DMD: variants seen among roughly 807,000 people sequenced by gnomAD.
DMD encodes the protein dystrophin.
A neutral mutation model predicts 330.1 loss-of-function variants in DMD; 63 were observed. The observed-to-expected ratio is 0.19, with a 90% CI of 0.16 to 0.24. DMD has a LOEUF of 0.24. Among genes scored for constraint, DMD ranks in the 10% least tolerant of loss-of-function variants. DMD has a pLI of 1.00. For synonymous variants in DMD, 1,223 were observed against 959.8 expected (o/e 1.27, Z -5.07); for missense variants, 3,344 against 2,684.1 (o/e 1.25, Z -5.43).
At chrX:32,123,214 T>TATATATATAA (rs2096645464) in intron 44 of DMD, among the ~76,000 whole-genome samples, 1 of 77,950 alleles carries the variant, frequency 1.3e-5, no homozygotes, top group Non-Finnish European at 2.4e-5. Flanking sequence ...TATATATATA[T>TATATATATAA]ATATATATAT....
At chrX:31,476,974 T>C (rs1040745610) in intron 59 of DMD, among the ~76,000 whole-genome samples, 1 of 111,156 alleles carries the variant, frequency 9.0e-6, no homozygotes, top group African/African-American at 3.3e-5. Context: ...GGAAAATTTG[T>C]TGGATGATGA....
At chrX:32,395,439 G>A (rs867980939) in intron 30 of DMD, among the ~76,000 whole-genome samples, 2 of 7,024 alleles carry the variant, frequency 2.8e-4, no homozygotes, top group African/African-American at 2.7e-3. Flanking sequence ...GGGGGAGGGG[G>A]GAGGGATAGC....
At chrX:32,766,721 T>C (rs781587645) in intron 7 of DMD, among the ~76,000 whole-genome samples, 1 of 111,454 alleles carries the variant, frequency 9.0e-6, no homozygotes. Flanking sequence ...AGCATGAATA[T>C]AGTTAATAGA....
chrX:33,315,224 A>G (rs2053916283), intron 1 of DMD, among the ~76,000 whole-genome samples: 1 of 112,435 alleles, frequency 8.9e-6, no homozygotes, highest in Admixed American at 9.4e-5. Flanking sequence ...CAAATCTGCA[A>G]AGTAAACTTT....
chrX:33,276,422 A>C (rs1021649033), intron 1 of DMD, among the ~76,000 whole-genome samples: 24 of 111,333 alleles, frequency 2.2e-4, no homozygotes, highest in African/African-American at 7.5e-4. Flanking sequence ...TTAGCAAAGT[A>C]AGAAAATGGC....
chrX:33,192,278 T>C (rs973405907), intron 1 of DMD, among the ~76,000 whole-genome samples: 3 of 112,024 alleles, frequency 2.7e-5, no homozygotes, highest in Non-Finnish European at 5.6e-5. Flanking sequence ...TCATTAAGAA[T>C]GTGAAAGTAT....
intron 30 of DMD, among the ~76,000 whole-genome samples, chrX:32,395,438 G>C (rs199550724): frequency 9.6e-6 from 1 of 104,001 alleles, no homozygotes; most frequent in Non-Finnish European, 2.0e-5. Flanking sequence ...GGGGGGAGGG[G>C]GGAGGGATAG....
chrX:31,662,903 T>C (rs1008521449), intron 53 of DMD, among the ~76,000 whole-genome samples: 15 of 111,837 alleles, frequency 1.3e-4, no homozygotes, highest in Non-Finnish European at 1.3e-4. Context: ...CCTTGGATCC[T>C]GTATTTACAT....
chrX:31,753,893 A>G, intron 51 of DMD, among the ~76,000 whole-genome samples: 1 of 111,826 alleles, frequency 8.9e-6, no homozygotes, highest in African/African-American at 3.2e-5. Context: ...TGAAGTGTTA[A>G]GTAGCATGTT....
chrX:32,543,888 G>A (rs1457304144), intron 17 of DMD, among the ~76,000 whole-genome samples: 1 of 112,023 alleles, frequency 8.9e-6, no homozygotes, highest in African/African-American at 3.2e-5. Context: ...TTCAAACTCT[G>A]CCGTTGTAAT....
intron 60 of DMD, among the ~76,000 whole-genome samples, chrX:31,373,968 T>G (rs1370234283): frequency 2.8e-5 from 3 of 107,721 alleles, no homozygotes; most frequent in Non-Finnish European, 5.7e-5. Flanking sequence ...CTCAAACAAA[T>G]GTACAAGAAA....
chrX:32,189,830 G>C (rs1340624106), intron 44 of DMD, among the ~76,000 whole-genome samples: 2 of 110,880 alleles, frequency 1.8e-5, no homozygotes, highest in Non-Finnish European at 3.8e-5. Context: ...CTGTGCAGTA[G>C]AACCCTTTCA....
intron 50 of DMD, among the ~76,000 whole-genome samples, chrX:31,807,113 CT>C (rs761466875): frequency 9.0e-6 from 1 of 111,378 alleles, no homozygotes; most frequent in South Asian, 3.7e-4. Context: ...CTCTATGTTT[CT>C]GGTTTGTGTG....
rs749463515 is a variant in DMD, at chrX:32,345,992, T to G, written c.5537A>C (p.Glu1846Ala). 1.7e-6 allele frequency: 2 copies of G among 1,207,924 alleles called. No homozygotes were observed. The highest frequency in any genetic ancestry group is 5.9e-5 in the East Asian group (2 of 33,616). Reference protein sequence around the residue: ...QRITDERKREEIKIKQQLLQT... With the variant: ...QRITDERKREAIKIKQQLLQT... Reference sequence around the variant, plus strand: ...TAACAGCTGCTGTTTTATCTTTATTTCCTCTCGCTTTCTCTCATCTGTGAT... The same window carrying G: ...TAACAGCTGCTGTTTTATCTTTATTGCCTCTCGCTTTCTCTCATCTGTGAT... The change falls in exon 39 of 79, where the codon GAA (glutamate) becomes GCA (alanine). Residue 1846 changes from glutamate (E) to alanine (A), a missense_variant. Transcript: ENST00000357033.
intron 7 of DMD, among the ~76,000 whole-genome samples, chrX:32,776,491 C>T (rs1739275688): frequency 9.0e-6 from 1 of 110,740 alleles, no homozygotes; most frequent in African/African-American, 3.3e-5. Flanking sequence ...GTGGGGAGGC[C>T]CCCAGGAAAC....
At chrX:32,531,068 C>G (rs754607756) in intron 17 of DMD, among the ~76,000 whole-genome samples, 1 of 111,094 alleles carries the variant, frequency 9.0e-6, no homozygotes, top group African/African-American at 3.3e-5. Context: ...ATCTGCATAA[C>G]GAAAATATGG....
At chrX:31,442,872 G>A (rs1176152748) in intron 60 of DMD, among the ~76,000 whole-genome samples, 1 of 110,995 alleles carries the variant, frequency 9.0e-6, no homozygotes, top group Non-Finnish European at 1.9e-5. Context: ...TGCTTTAGTC[G>A]ATGCCACTTA....
chrX:33,057,784 T>C lies in DMD; in HGVS notation c.32-37584A>G, dbSNP rs181809844. Among the ~76,000 whole-genome samples, 598 of 112,552 alleles carry C rather than the reference T, an allele frequency of 5.3e-3. 2 individuals are homozygous for C. Among genetic ancestry groups the C allele is most frequent in the Non-Finnish European group, 8.1e-3 (431 of 53,349 alleles). On this transcript the variant is annotated intron_variant, in intron 1 of 78. Coordinates refer to ENST00000357033, the MANE Select transcript of DMD (RefSeq NM_004006.3). ...GTAAATGTTCATCTTCTAGTCAACATTGTGTTTATGAAGTTCGTTCATATT... is the reference window on the plus strand; with the variant it reads ...GTAAATGTTCATCTTCTAGTCAACACTGTGTTTATGAAGTTCGTTCATATT...
chrX:33,150,095 T>C (rs745456692), intron 1 of DMD, among the ~76,000 whole-genome samples: 3 of 110,902 alleles, frequency 2.7e-5, no homozygotes, highest in Non-Finnish European at 5.7e-5. Context: ...CAGTAAAAAT[T>C]AGCTGAAGAA....
Sources: gnomAD v4.1 joint callset for allele counts (sites outside exome capture counted in the v4.1 genomes callset) on GRCh38, gnomAD v4.1.1 for gene constraint, MANE v1.5 for transcripts, NCBI Gene and HGNC (gene_info 2026-07-23, HGNC 2026-07-21) for gene names.